ODAD2: variants seen among roughly 807,000 people sequenced by gnomAD.
ODAD2 encodes the protein outer dynein arm docking complex subunit 2, also known as outer dynein arm-docking complex subunit 2.
A neutral mutation model predicts 106.8 loss-of-function variants in ODAD2; 89 were observed. The ratio of observed to expected loss-of-function variants is 0.83; its 90% CI spans 0.70 to 0.99. The LOEUF (loss-of-function observed/expected upper bound fraction) is 0.99. ODAD2 is among the 50% of genes least tolerant of loss of function. The pLI, the probability that ODAD2 is intolerant of heterozygous loss-of-function variation, is 0.00. For missense variants in ODAD2, 1,168 were observed against 1,238.5 expected, an observed-to-expected ratio of 0.94 and a Z score of 0.85; for synonymous variants, 404 against 436.2, an observed-to-expected ratio of 0.93 and a Z score of 0.92.
intron 2 of ODAD2, among the ~76,000 whole-genome samples, chr10:27,991,073 C>T (rs1333351392): frequency 6.6e-6 from 1 of 152,150 alleles, no homozygotes; most frequent in Non-Finnish European, 1.5e-5. Context: ...CTATGTACCA[C>T]AGATGGTATT....
At chr10:27,953,168 C>G (rs7071498) in intron 10 of ODAD2, among the ~76,000 whole-genome samples, 6,576 of 152,176 alleles carry the variant, frequency 0.043, 475 homozygotes, top group African/African-American at 0.15. Context: ...GTGGTAAGAA[C>G]ACTTAATCTG....
intron 17 of ODAD2, among the ~76,000 whole-genome samples, chr10:27,875,136 GT>G (rs1841229843): frequency 6.6e-6 from 1 of 152,088 alleles, no homozygotes; most frequent in South Asian, 2.1e-4. Flanking sequence ...CTTTCTTCCA[GT>G]TGATTGAATC....
intron 19 of ODAD2, among the ~76,000 whole-genome samples, chr10:27,837,939 AG>A (rs1381751905): frequency 6.6e-6 from 1 of 152,180 alleles, no homozygotes; most frequent in African/African-American, 2.4e-5. Flanking sequence ...TTATTTCCGA[AG>A]ACATTTCAGT....
intron 16 of ODAD2, among the ~76,000 whole-genome samples, chr10:27,911,097 G>C (rs1020671954): frequency 1.3e-5 from 2 of 152,026 alleles, no homozygotes; most frequent in African/African-American, 2.4e-5. Flanking sequence ...GAACATCGCC[G>C]CCGTCCTGCA....
intron 17 of ODAD2, among the ~76,000 whole-genome samples, chr10:27,885,630 A>T (rs1403888672): frequency 1.6e-5 from 1 of 60,624 alleles, no homozygotes; most frequent in Non-Finnish European, 3.1e-5. Context: ...TAAATATATA[A>T]AATATATATT....
At chr10:27,967,734 T>C (rs1437427664) in intron 9 of ODAD2, among the ~76,000 whole-genome samples, 1 of 151,488 alleles carries the variant, frequency 6.6e-6, no homozygotes, top group African/African-American at 2.4e-5. Context: ...CTACTAAAAA[T>C]AAAAAAATTA....
intron 16 of ODAD2, among the ~76,000 whole-genome samples, chr10:27,929,854 C>T (rs1845493500): frequency 6.6e-6 from 1 of 152,070 alleles, no homozygotes; most frequent in South Asian, 2.1e-4. Context: ...GTAATTTTAT[C>T]AGGATATGTG....
intron 19 of ODAD2, among the ~76,000 whole-genome samples, chr10:27,832,094 T>C (rs61843171): frequency 0.11 from 16,785 of 152,274 alleles, 1,229 homozygotes; most frequent in Non-Finnish European, 0.16. Context: ...CAATAAACAG[T>C]ATTTTGAAGT....
At chr10:27,855,648 C>T (rs977636017) in intron 19 of ODAD2, among the ~76,000 whole-genome samples, 1 of 152,020 alleles carries the variant, frequency 6.6e-6, no homozygotes, top group Admixed American at 6.5e-5. Context: ...TTTTTTGTCC[C>T]TGTGCTAGGC....
intron 10 of ODAD2, among the ~76,000 whole-genome samples, chr10:27,952,006 C>T (rs61394514): frequency 0.064 from 8,998 of 140,450 alleles, 874 homozygotes; most frequent in African/African-American, 0.21. Context: ...ACTGGGGAGG[C>T]AGAGGTTGCA....
rs576954326 is a variant in ODAD2, at chr10:27,868,720, G to T, written c.2611-6098C>A. Among the ~76,000 whole-genome samples the T allele has an allele frequency of 2.6e-5, 4 of 151,732 alleles. No individual in the cohort carries two copies. In the South Asian group the frequency reaches 8.3e-4, roughly 31 times the overall value. On this transcript the variant is annotated intron_variant, in intron 17 of 19. Coordinates refer to ENST00000305242, the MANE Select transcript of ODAD2 (RefSeq NM_018076.5). ...GGAGAGCATCAGGATAAATAACTAA[G>T]GCATGCAGGGCTTAATACCTAGGTG...
In ODAD2 at chr10:27,943,644, G is replaced by A. The variant is rs528444242; in HGVS notation, c.1743+578C>T. Among the ~76,000 whole-genome samples the A allele has an allele frequency of 1.9e-4, 29 of 151,378 alleles. No individual in the cohort carries two copies. In the East Asian group the frequency reaches 5.1e-3, roughly 26 times the overall value. On this transcript the variant is annotated intron_variant, in intron 12 of 19. Coordinates refer to ENST00000305242, the MANE Select transcript of ODAD2 (RefSeq NM_018076.5). ...TCTACTAAAAATATAAAAATTGGCCGGGCTTGATGGCGGGCACCTGTAGTC... is the reference window on the plus strand; with the variant it reads ...TCTACTAAAAATATAAAAATTGGCCAGGCTTGATGGCGGGCACCTGTAGTC...
At chr10:27,886,379 T>C (rs1437978500) in intron 17 of ODAD2, among the ~76,000 whole-genome samples, 5 of 151,876 alleles carry the variant, frequency 3.3e-5, no homozygotes, top group African/African-American at 1.2e-4. Context: ...ATATTTAAAA[T>C]GATAATAAAA....
At chr10:27,984,379 T>A in intron 4 of ODAD2, 89 bp from the exon 5 acceptor site, 5 of 906,012 alleles carry the variant, frequency 5.5e-6, no homozygotes, top group Non-Finnish European at 8.6e-6. Context: ...AGGAGAAATA[T>A]CTTTTTTGTA....
chr10:27,867,934 G>A (rs1225180923), intron 17 of ODAD2, among the ~76,000 whole-genome samples: 1 of 150,410 alleles, frequency 6.6e-6, no homozygotes, highest in East Asian at 2.0e-4. Flanking sequence ...GGGTGACAGA[G>A]CAAAACTCTG....
intron 17 of ODAD2, among the ~76,000 whole-genome samples, chr10:27,877,317 T>G (rs1035216472): frequency 3.3e-5 from 5 of 152,088 alleles, no homozygotes; most frequent in Admixed American, 1.3e-4. Flanking sequence ...ATGACAAAAG[T>G]GATCACATCT....
chr10:27,994,806 AG>A, intron 2 of ODAD2, 112 bp downstream of exon 2: 2 of 1,144,478 alleles, frequency 1.7e-6, no homozygotes, highest in Non-Finnish European at 2.5e-6. Flanking sequence ...TCCCTGGTTT[AG>A]AGGGCTTCTG....
chr10:27,884,537 G>A (rs1326572706), intron 17 of ODAD2, among the ~76,000 whole-genome samples: 6 of 152,076 alleles, frequency 3.9e-5, no homozygotes, highest in African/African-American at 1.4e-4. Flanking sequence ...CCATGTTTTG[G>A]CCTATCTGTG....
At chr10:27,818,969 T>C (rs1048229490) in intron 19 of ODAD2, among the ~76,000 whole-genome samples, 7 of 152,324 alleles carry the variant, frequency 4.6e-5, no homozygotes, top group Non-Finnish European at 4.4e-5. Flanking sequence ...GGCACATCAC[T>C]GAACCTCTTA....
Sources: gnomAD v4.1 joint callset for allele counts (sites outside exome capture counted in the v4.1 genomes callset) on GRCh38, gnomAD v4.1.1 for gene constraint, MANE v1.5 for transcripts, NCBI Gene and HGNC (gene_info 2026-07-23, HGNC 2026-07-21) for gene names.